Variants in DZIP1 observed in about 807,000 individuals in gnomAD.
DZIP1 encodes DAZ interacting zinc finger protein 1, also known as cilium assembly protein DZIP1.
DZIP1 carries 97 observed loss-of-function variants against 107.6 expected under a neutral mutation model. That is an observed-to-expected ratio of 0.90 (90% confidence interval 0.77 to 1.07). The LOEUF (loss-of-function observed/expected upper bound fraction) is 1.07, where lower values mean the gene tolerates loss of function less well. Among genes scored for constraint, DZIP1 ranks in the 50% least tolerant of loss-of-function variants. DZIP1 has a pLI of 0.00. For synonymous variants in DZIP1, 390 were observed against 386.4 expected, an observed-to-expected ratio of 1.01 and a Z score of -0.11; for missense variants, 1,035 against 1,063.6, an observed-to-expected ratio of 0.97 and a Z score of 0.37.
intron 5 of DZIP1, among the ~76,000 whole-genome samples, chr13:95,634,158 G>A (rs1232563732): frequency 6.6e-6 from 1 of 152,112 alleles, no homozygotes; most frequent in Non-Finnish European, 1.5e-5. Context: ...AATCTCAGAG[G>A]CTTTGCATTC....
At chr13:95,583,126 G>A (rs1437807716) in intron 22 of DZIP1, among the ~76,000 whole-genome samples, 1 of 151,948 alleles carries the variant, frequency 6.6e-6, no homozygotes, top group Admixed American at 6.6e-5. Flanking sequence ...AGACATGCAG[G>A]TATTAACTTA....
At chr13:95,594,880 TAA>T (rs33911437) in intron 15 of DZIP1, among the ~76,000 whole-genome samples, 15 of 150,798 alleles carry the variant, frequency 9.9e-5, no homozygotes, top group South Asian at 4.2e-4. Context: ...ATTCCCCACT[TAA>T]AAAAAAAAAG....
At chr13:95,608,312 C>CA (rs1317260468) in intron 13 of DZIP1, among the ~76,000 whole-genome samples, 2 of 151,328 alleles carry the variant, frequency 1.3e-5, no homozygotes, top group African/African-American at 4.9e-5. Flanking sequence ...CATTTTAAAA[C>CA]AAAAAATGAA....
chr13:95,609,621 A>G, intron 12 of DZIP1, 108 bp from the exon 13 acceptor site: 2 of 638,248 alleles, frequency 3.1e-6, no homozygotes, highest in Non-Finnish European at 5.1e-6. Context: ...AATGAAATGT[A>G]CCAATATATA....
chr13:95,641,808 C>T lies in DZIP1; in HGVS notation c.84G>A (p.Gly28=), dbSNP rs762172141. Residue 28 remains glycine (G), a synonymous_variant, in exon 5 of 23, where the codon GGG becomes GGA. Transcript: ENST00000376829. The surrounding 1 kb of genome is among the most constrained non-coding windows in gnomAD (Gnocchi z 4.3). ...CGGCGGCGGCCACAGCGACGTCGGG[C>T]CCCTCTGGGCCGCTGGCGAGCGGGT... ...VYYPLASGPE[G]PDVAVAAAAA... 7 of 1,478,754 alleles carry T rather than the reference C, an allele frequency of 4.7e-6. No individual in the cohort carries two copies. Among genetic ancestry groups the T allele is most frequent in the Non-Finnish European group, 6.2e-6 (7 of 1,124,768 alleles). 91.6% of individuals were successfully genotyped at this position (1,478,754 alleles called of 1,614,324 possible).
intron 7 of DZIP1, 87 bp downstream of exon 7, chr13:95,629,900 TAA>T: frequency 7.3e-7 from 1 of 1,376,504 alleles, no homozygotes; most frequent in South Asian, 1.7e-5. Context: ...CACAAACTCT[TAA>T]GTGTCCTCTG....
chr13:95,608,733 T>C (rs1246710747), intron 13 of DZIP1, among the ~76,000 whole-genome samples: 2 of 152,138 alleles, frequency 1.3e-5, no homozygotes, highest in Admixed American at 6.5e-5. Flanking sequence ...TTCCAGCCAA[T>C]AGTGCCAAAT....
intron 7 of DZIP1, 131 bp downstream of exon 7, chr13:95,629,858 G>T: frequency 1.2e-6 from 1 of 858,776 alleles, no homozygotes; most frequent in Non-Finnish European, 1.7e-6. Context: ...AGAGTAGATT[G>T]GCAATAAAAA....
At chr13:95,589,466 T>TG (rs2044252299) in intron 18 of DZIP1, among the ~76,000 whole-genome samples, 1 of 152,148 alleles carries the variant, frequency 6.6e-6, no homozygotes, top group South Asian at 2.1e-4. Context: ...CACAGTATGA[T>TG]GGCATCTGGG....
chr13:95,612,578 A>G (rs970034942), intron 10 of DZIP1, among the ~76,000 whole-genome samples: 1 of 151,908 alleles, frequency 6.6e-6, no homozygotes, highest in Admixed American at 6.6e-5. Context: ...AGCACATCTT[A>G]ATGTTTTTGT....
At chr13:95,636,902 T>TA (rs1877884615) in intron 5 of DZIP1, 1 of 152,036 alleles carries the variant, frequency 6.6e-6, no homozygotes, top group African/African-American at 2.4e-5. Flanking sequence ...CACCAAGACA[T>TA]ACCCTAGAAA....
rs200135162 is a variant in DZIP1, at chr13:95,622,523, A to G, written c.973-43T>C. ...AGCTCAGTACTACAGTTAGACTTTC[A>G]TAAGATGGAAACAGAGAATAAAATC... is the stretch of plus-strand genomic sequence containing the variant. On this transcript the variant is annotated intron_variant, in intron 8 of 22. Coordinates refer to ENST00000376829, the MANE Select transcript of DZIP1 (RefSeq NM_198968.4). 6.3e-5 allele frequency: 101 copies of G among 1,610,268 alleles called. No individual in the cohort carries two copies. The African/African-American group carries it at 1.3e-3, about 20-fold the overall frequency.
intron 9 of DZIP1, among the ~76,000 whole-genome samples, chr13:95,621,496 T>A (rs559161393): frequency 4.6e-5 from 7 of 152,142 alleles, no homozygotes; most frequent in Non-Finnish European, 1.0e-4. Context: ...CAAAGTCTAC[T>A]TACCTTTTTT....
chr13:95,583,079 G>A (rs1249058908), intron 22 of DZIP1, among the ~76,000 whole-genome samples: 4 of 152,074 alleles, frequency 2.6e-5, no homozygotes, highest in African/African-American at 9.7e-5. Context: ...CTTACAAAGG[G>A]GCGAGAGGCT....
chr13:95,587,699 C>T lies in DZIP1; in HGVS notation c.2058G>A (p.Gln686=). The stretch of plus-strand genomic sequence containing the variant: ...ATGCCCGGATGAGGTCGTCGTCCTC[C>T]TGCTCCTCCTCTGAACTAAAAGGAG... ...TTPPFSSEEE[Q]EDDDLIRAYA... Residue 686 remains glutamine (Q), a synonymous_variant, in exon 20 of 23, where the codon CAG becomes CAA. Coordinates refer to ENST00000376829, the MANE Select transcript of DZIP1 (RefSeq NM_198968.4). 1 of 1,614,128 alleles carries T rather than the reference C, an allele frequency of 6.2e-7. No homozygotes were observed. Among genetic ancestry groups the T allele is most frequent in the Non-Finnish European group, 8.5e-7 (1 of 1,180,028 alleles).
In DZIP1 at chr13:95,630,030, G is replaced by C; in HGVS notation, c.769C>G (p.Leu257Val). The C allele has an allele frequency of 1.2e-6, 2 of 1,613,824 alleles. No homozygotes were observed. Among genetic ancestry groups the C allele is most frequent in the South Asian group, 2.2e-5 (2 of 91,046 alleles). ...GCACTGGCATGGTGTGCAGCCTCTA[G>C]CTCAGACCTGGTGAGCTGCAGCTCT... is the stretch of plus-strand genomic sequence containing the variant. ...KEELQLTRSE[L>V]EAAHHASAVR... Residue 257 changes from leucine (L) to valine (V), a missense_variant, in exon 7 of 23, where the codon CTA becomes GTA. Physicochemically the swap from Leu to Val is conservative, Grantham distance 32 (BLOSUM62 1). Coordinates refer to ENST00000376829, the MANE Select transcript of DZIP1 (RefSeq NM_198968.4).
chr13:95,600,695 C>A (rs1329036871), intron 14 of DZIP1, among the ~76,000 whole-genome samples: 1 of 152,034 alleles, frequency 6.6e-6, no homozygotes, highest in African/African-American at 2.4e-5. Flanking sequence ...AGCCAGCAAC[C>A]TAGTCAATGT....
intron 10 of DZIP1, chr13:95,618,057 T>C (rs1875360385): frequency 1.9e-6 from 1 of 518,258 alleles, no homozygotes; most frequent in Non-Finnish European, 3.9e-6. Flanking sequence ...GCTGGCTACC[T>C]GATCTGGAAC....
chr13:95,641,723 A>T lies in DZIP1; in HGVS notation c.169T>A (p.Phe57Ile). The stretch of plus-strand genomic sequence containing the variant: ...TCCAGCCGCGGCCTGAACTGGAAGA[A>T]GGGCAGGGGCCCCGAAGCCGCGCTG... ...PPSAASGPLP[F>I]FQFRPRLESV... is the part of the protein sequence containing the mutation. Residue 57 changes from phenylalanine to isoleucine, a missense_variant, in exon 5 of 23, where the codon TTC becomes ATC. By Grantham distance (21) the Phe-to-Ile change is conservative. Transcript: ENST00000376829. The surrounding 1 kb of genome is among the most constrained non-coding windows in gnomAD (Gnocchi z 4.3). The T allele has an allele frequency of 6.3e-7, 1 of 1,598,710 alleles. No homozygotes were observed. Among genetic ancestry groups the T allele is most frequent in the Non-Finnish European group, 8.5e-7 (1 of 1,177,734 alleles).
Sources: allele counts gnomAD v4.1 joint callset (sites outside exome capture counted in the v4.1 genomes callset), GRCh38; gene constraint gnomAD v4.1.1; non-coding constraint Gnocchi (gnomAD v3.1); transcripts MANE v1.5; gene names NCBI Gene and HGNC (gene_info 2026-07-23, HGNC 2026-07-21).